Variants in TENM3 observed in about 807,000 individuals in gnomAD.
TENM3 encodes teneurin transmembrane protein 3, also known as teneurin-3.
A neutral mutation model predicts 255.1 loss-of-function variants in TENM3; 63 were observed. That is an observed-to-expected ratio of 0.25 (90% CI 0.20 to 0.30). The LOEUF is 0.30. TENM3 is among the 10% of genes least tolerant of loss of function. The pLI is 1.00. For missense variants in TENM3, 2,929 were observed against 3,461.1 expected, an observed-to-expected ratio of 0.85 and a Z score of 3.86; for synonymous variants, 1,306 against 1,322.3, an observed-to-expected ratio of 0.99 and a Z score of 0.27.
the TENM3 span, among the ~76,000 whole-genome samples, chr4:181,668,329 C>T: frequency 6.6e-6 from 1 of 152,196 alleles, no homozygotes; most frequent in Non-Finnish European, 1.5e-5. Flanking sequence ...CCTCTGCATG[C>T]TCCAGTTTTA....
the TENM3 span, among the ~76,000 whole-genome samples, chr4:181,733,347 T>A: frequency 3.9e-5 from 6 of 152,362 alleles, no homozygotes; most frequent in East Asian, 9.6e-4. Flanking sequence ...AGGCTATGTT[T>A]CTGAAAGACT....
chr4:181,921,073 G>C, the TENM3 span, among the ~76,000 whole-genome samples: 1 of 152,118 alleles, frequency 6.6e-6, no homozygotes, highest in Non-Finnish European at 1.5e-5. Context: ...TGAGGGCTCT[G>C]TTCTCTTCCA....
chr4:181,918,998 C>CT, the TENM3 span, among the ~76,000 whole-genome samples: 1 of 152,128 alleles, frequency 6.6e-6, no homozygotes, highest in Non-Finnish European at 1.5e-5. Flanking sequence ...ATACTATCCC[C>CT]ACTCCCCAAA....
intron 13 of TENM3, among the ~76,000 whole-genome samples, chr4:182,721,849 ATTTAT>A (rs1759761247): frequency 6.6e-6 from 1 of 151,864 alleles, no homozygotes. Context: ...TGATCTTTAT[ATTTAT>A]TTCTTTTTTT....
chr4:182,608,190 C>A (rs899967363), intron 4 of TENM3, among the ~76,000 whole-genome samples: 8 of 152,042 alleles, frequency 5.3e-5, no homozygotes, highest in African/African-American at 1.9e-4. Context: ...ATCCTTGCTA[C>A]CTGGTGATTT....
chr4:182,754,470 T>C lies in TENM3; in HGVS notation c.4103T>C (p.Ile1368Thr). Residue 1368 changes from isoleucine (I) to threonine (T), a missense_variant, in exon 22 of 28, where the codon ATC becomes ACC. Coordinates refer to ENST00000511685, the MANE Select transcript of TENM3 (RefSeq NM_001080477.4). This position sits in a 1 kb window ranked among gnomAD's most constrained non-coding sequence, Gnocchi z 5.1. The stretch of plus-strand genomic sequence containing the variant: ...CTGGATAATAATGTAGTTTTACAGA[T>C]CACTGAAAATCGTCAAGTTCGCATT... ...YVLDNNVVLQ[I>T]TENRQVRIAA... 6.2e-7 allele frequency: 1 copy of C among 1,612,854 alleles called. No individual in the cohort carries two copies. The highest frequency in any genetic ancestry group is 8.5e-7 in the Non-Finnish European group (1 of 1,179,400).
chr4:181,453,917 G>A, the TENM3 span, among the ~76,000 whole-genome samples: 1 of 152,088 alleles, frequency 6.6e-6, no homozygotes, highest in Non-Finnish European at 1.5e-5. Flanking sequence ...ATGTGGTTCT[G>A]TCACTGTGGT....
chr4:182,120,264 T>C, the TENM3 span, among the ~76,000 whole-genome samples: 127 of 152,314 alleles, frequency 8.3e-4, no homozygotes, highest in African/African-American at 3.0e-3. Flanking sequence ...TCACATGCTG[T>C]ACAGGTTTGT....
the TENM3 span, among the ~76,000 whole-genome samples, chr4:181,721,210 T>C: frequency 6.6e-6 from 1 of 151,520 alleles, no homozygotes; most frequent in African/African-American, 2.4e-5. Flanking sequence ...GAGAGTAAGA[T>C]TGGCAGGAGA....
chr4:182,631,149 C>A (rs543034809), intron 5 of TENM3, among the ~76,000 whole-genome samples: 1 of 152,034 alleles, frequency 6.6e-6, no homozygotes, highest in South Asian at 2.1e-4. Context: ...TGGTCATAAA[C>A]CTTCCCTTTG....
At chr4:182,268,979 ACT>A (rs1447697735) in intron 1 of TENM3, among the ~76,000 whole-genome samples, 3 of 151,558 alleles carry the variant, frequency 2.0e-5, no homozygotes, top group African/African-American at 4.9e-5. Context: ...AGATCCAAGA[ACT>A]CTCTCTTGGG....
Position 182,792,618 on chromosome 4 carries a change from C to G in TENM3, c.5946C>G (p.Leu1982=). The G allele has an allele frequency of 1.9e-6, 3 of 1,613,906 alleles. No individual in the cohort carries two copies. Among genetic ancestry groups the G allele is most frequent in the Non-Finnish European group, 2.5e-6 (3 of 1,179,852 alleles). The stretch of plus-strand genomic sequence containing the variant: ...CAGGAGTCCTAAAGACAGTAAACCT[C>G]CAGAGTGATGGTTTTATTTGCACCA... The part of the protein sequence containing the change: ...ETAGVLKTVN[L]QSDGFICTIR... The change falls in exon 26 of 28, where the codon CTC becomes CTG. Residue 1982 remains leucine (L), a synonymous_variant. Transcript: ENST00000511685. This position sits in a 1 kb window ranked among gnomAD's most constrained non-coding sequence, Gnocchi z 6.3.
chr4:182,632,826 A>G (rs1448469179), intron 5 of TENM3, among the ~76,000 whole-genome samples: 1 of 151,922 alleles, frequency 6.6e-6, no homozygotes, highest in African/African-American at 2.4e-5. Flanking sequence ...TTTATTTGGT[A>G]TATTTTTATT....
the TENM3 span, among the ~76,000 whole-genome samples, chr4:181,566,678 T>C: frequency 2.0e-5 from 3 of 152,172 alleles, no homozygotes; most frequent in African/African-American, 7.2e-5. Context: ...TTTTCAGCTG[T>C]TGTTATTCTT....
chr4:181,908,939 C>T, the TENM3 span, among the ~76,000 whole-genome samples: 27 of 152,246 alleles, frequency 1.8e-4, no homozygotes, highest in East Asian at 3.9e-4. Flanking sequence ...TATTAGTACT[C>T]CCACTATTTG....
At chr4:181,678,060 T>C in the TENM3 span, among the ~76,000 whole-genome samples, 3 of 152,180 alleles carry the variant, frequency 2.0e-5, no homozygotes, top group African/African-American at 7.2e-5. Flanking sequence ...TTTGCCCTCA[T>C]TCAACAAATA....
At chr4:182,515,573 A>G (rs1737852157) in intron 3 of TENM3, among the ~76,000 whole-genome samples, 1 of 152,192 alleles carries the variant, frequency 6.6e-6, no homozygotes, top group African/African-American at 2.4e-5. Context: ...TATGTACACA[A>G]TATGTATTTT....
At chr4:181,559,965 AATT>A in the TENM3 span, among the ~76,000 whole-genome samples, 2 of 152,254 alleles carry the variant, frequency 1.3e-5, no homozygotes, top group Middle Eastern at 3.2e-3. Context: ...ACAGGAATAT[AATT>A]ATTAAATGTC....
At chr4:181,675,791 T>G in the TENM3 span, among the ~76,000 whole-genome samples, 29 of 149,572 alleles carry the variant, frequency 1.9e-4, no homozygotes, top group African/African-American at 6.9e-4. Context: ...AAAATGAGGG[T>G]GGAATTGGTG....
Sources: gnomAD v4.1 joint callset for allele counts (sites outside exome capture counted in the v4.1 genomes callset) on GRCh38, gnomAD v4.1.1 for gene constraint, Gnocchi (gnomAD v3.1) non-coding constraint, MANE v1.5 for transcripts, NCBI Gene and HGNC (gene_info 2026-07-23, HGNC 2026-07-21) for gene names.